UFD1: variants seen among roughly 807,000 people sequenced by gnomAD.
The protein encoded by UFD1 is ubiquitin recognition factor in ER associated degradation 1, also known as ubiquitin recognition factor in ER-associated degradation protein 1.
A neutral mutation model predicts 45.9 loss-of-function variants in UFD1; 13 were observed. That is an observed-to-expected ratio of 0.28 (90% CI 0.18 to 0.45). The LOEUF (loss-of-function observed/expected upper bound fraction) is 0.45, where lower values mean the gene tolerates loss of function less well. Among genes scored for constraint, UFD1 ranks in the 20% least tolerant of loss-of-function variants. UFD1 has a pLI of 1.00. For missense variants in UFD1, 218 were observed against 389.2 expected (o/e 0.56, Z 3.70); for synonymous variants, 128 against 139.2 (o/e 0.92, Z 0.56).
chr22:19,467,311 C>CA (rs1452434141), intron 5 of UFD1: 6 of 152,940 alleles, frequency 3.9e-5, no homozygotes, highest in Admixed American at 3.9e-4. Context: ...CCCGTACCTG[C>CA]ACTGCCTACT....
chr22:19,459,831 C>T (rs780429393), intron 6 of UFD1, among the ~76,000 whole-genome samples: 10 of 150,586 alleles, frequency 6.6e-5, no homozygotes, highest in East Asian at 2.0e-4. Flanking sequence ...CTCCGCCTCC[C>T]GGGTTCCAGC....
chr22:19,466,209 T>G (rs543549034), intron 5 of UFD1: 2 of 152,350 alleles, frequency 1.3e-5, no homozygotes, highest in East Asian at 1.9e-4. Flanking sequence ...CGGTACGAAG[T>G]GCCCTTCCCT....
chr22:19,470,770 A>G, intron 4 of UFD1: 1 of 463,432 alleles, frequency 2.2e-6, no homozygotes, highest in Non-Finnish European at 4.3e-6. Context: ...TAATCTCAGA[A>G]AATATTAGTT....
At chr22:19,453,476 A>G (rs1360167030) in intron 11 of UFD1, 13 of 985,322 alleles carry the variant, frequency 1.3e-5, no homozygotes, top group Non-Finnish European at 1.6e-5. Flanking sequence ...GCCTTCTGTA[A>G]ATTTGCAACA....
At chr22:19,456,704 C>A in intron 8 of UFD1, 70 bp from the exon 9 acceptor site, 1 of 1,613,692 alleles carries the variant, frequency 6.2e-7, no homozygotes, top group Non-Finnish European at 8.5e-7. Context: ...ACCCCCACCC[C>A]CGGCTAGGAT....
intron 3 of UFD1, 35 bp from the exon 4 acceptor site, chr22:19,471,843 C>T (rs372640251): frequency 1.1e-4 from 181 of 1,599,938 alleles, no homozygotes; most frequent in Non-Finnish European, 1.5e-4. Flanking sequence ...GGCACAGCTC[C>T]TATGAAGGGA....
chr22:19,455,810 G>T, intron 9 of UFD1, 42 bp from the exon 10 acceptor site: 1 of 1,578,130 alleles, frequency 6.3e-7, no homozygotes, highest in Non-Finnish European at 8.7e-7. Context: ...GCCCAAGTGT[G>T]AGGACGATAT....
intron 7 of UFD1, 129 bp from the exon 8 acceptor site, chr22:19,457,047 C>T (rs2089728592): frequency 4.3e-6 from 3 of 700,780 alleles, no homozygotes; most frequent in South Asian, 1.7e-5. Flanking sequence ...ATGCCTTGTA[C>T]ACTTGCCCAG....
At chr22:19,474,841 C>A (rs2089870260) in intron 3 of UFD1, among the ~76,000 whole-genome samples, 1 of 152,110 alleles carries the variant, frequency 6.6e-6, no homozygotes, top group Non-Finnish European at 1.5e-5. Flanking sequence ...AGAGGAGGAA[C>A]CTGAAGCACC....
chr22:19,470,487 G>A (rs184867630), intron 4 of UFD1, among the ~76,000 whole-genome samples: 4 of 152,098 alleles, frequency 2.6e-5, no homozygotes, highest in East Asian at 3.9e-4. Context: ...TGTCGCCCAG[G>A]CTGGAATGCA....
chr22:19,454,543 A>G (rs2089707836), intron 11 of UFD1: 2 of 1,157,278 alleles, frequency 1.7e-6, no homozygotes, highest in East Asian at 3.1e-5. Context: ...GCCCCCTGCC[A>G]TGATTGTGAG....
At chr22:19,450,869 C>G in intron 11 of UFD1, 125 bp from the exon 12 acceptor site, 1 of 1,545,992 alleles carries the variant, frequency 6.5e-7, no homozygotes, top group Non-Finnish European at 8.7e-7. Context: ...GACACGATAG[C>G]TGACACCTGT....
chr22:19,467,775 C>G (rs2089813854), intron 5 of UFD1, 98 bp downstream of exon 5: 1 of 1,528,392 alleles, frequency 6.5e-7, no homozygotes, highest in Admixed American at 2.0e-5. Flanking sequence ...ATGTGTGATC[C>G]CCAAAGCAGG....
chr22:19,469,440 T>C (rs953094724), intron 4 of UFD1, among the ~76,000 whole-genome samples: 1 of 151,918 alleles, frequency 6.6e-6, no homozygotes, highest in Non-Finnish European at 1.5e-5. Context: ...AGGTGAGAAA[T>C]GGGCTGCTGG....
chr22:19,460,100 C>A (rs996746688), intron 6 of UFD1, among the ~76,000 whole-genome samples: 42 of 151,794 alleles, frequency 2.8e-4, no homozygotes, highest in Admixed American at 7.9e-4. Flanking sequence ...AAAAAAAAAA[C>A]CTAAGCAGGG....
chr22:19,455,144 C>T (rs1029803994), intron 10 of UFD1, among the ~76,000 whole-genome samples: 1 of 152,078 alleles, frequency 6.6e-6, no homozygotes, highest in African/African-American at 2.4e-5. Flanking sequence ...ACTCTCACTC[C>T]AGTATTCTGA....
rs2089672036 is a variant in UFD1, at chr22:19,450,466, G to A, written c.*204C>T. 4 of 632,986 alleles carry A rather than the reference G, an allele frequency of 6.3e-6. No homozygotes were observed. Among genetic ancestry groups the A allele is most frequent in the Non-Finnish European group, 1.0e-5 (4 of 381,380 alleles). 39.2% of individuals were successfully genotyped at this position (632,986 alleles called of 1,614,324 possible). A position where few individuals can be genotyped will look rare whatever the true frequency, so the allele number is the denominator to read the frequency against. ...TACAGGCCCTCAGGGACAGCTCTTT[G>A]TCTTTCCCCAAATCAAGCATACAAC... On this transcript the variant is annotated 3_prime_UTR_variant, in exon 12 of 12. Coordinates refer to ENST00000263202, the MANE Select transcript of UFD1 (RefSeq NM_005659.7).
At chr22:19,457,562 C>T (rs2089732362) in intron 7 of UFD1, among the ~76,000 whole-genome samples, 1 of 152,160 alleles carries the variant, frequency 6.6e-6, no homozygotes, top group African/African-American at 2.4e-5. Flanking sequence ...CCTGTAATCT[C>T]AGCACTTTGG....
rs1288181428 is a variant in UFD1, at chr22:19,479,160, C to CGCCGCT, written c.-81_-76dup. 46 of 1,575,108 alleles carry CGCCGCT rather than the reference C, an allele frequency of 2.9e-5. No individual in the cohort carries two copies. The highest frequency in any genetic ancestry group is 1.4e-4 in the African/African-American group (10 of 73,758). On this transcript the variant is annotated 5_prime_UTR_variant, in exon 1 of 12. Coordinates refer to ENST00000263202, the MANE Select transcript of UFD1 (RefSeq NM_005659.7). ...AAACCCCGCCGACCGCTCTCCCAGC[C>CGCCGCT]GCCGCTGCCGCTGCCGCCGCGCCAA...
Sources: gnomAD v4.1 joint callset for allele counts (sites outside exome capture counted in the v4.1 genomes callset) on GRCh38, gnomAD v4.1.1 for gene constraint, MANE v1.5 for transcripts, NCBI Gene and HGNC (gene_info 2026-07-23, HGNC 2026-07-21) for gene names.